Variants in LINGO1 observed in about 807,000 individuals in gnomAD.
The protein encoded by LINGO1 is leucine rich repeat and Ig domain containing 1, also known as leucine-rich repeat and immunoglobulin-like domain-containing nogo receptor-interacting protein 1.
Under a neutral mutation model 37.3 loss-of-function variants are expected in LINGO1, and 11 were observed. The observed-to-expected ratio is 0.29, with a 90% CI of 0.19 to 0.49. LINGO1 has a LOEUF of 0.49. LINGO1 is among the 20% of genes least tolerant of loss of function. The pLI is 0.99. For synonymous variants in LINGO1, 387 were observed against 403.0 expected, an observed-to-expected ratio of 0.96 and a Z score of 0.48; for missense variants, 585 against 878.2, an observed-to-expected ratio of 0.67 and a Z score of 4.22.
intron 1 of LINGO1, among the ~76,000 whole-genome samples, chr15:77,766,320 CACAA>C (rs775233269): frequency 2.7e-4 from 30 of 110,558 alleles, no homozygotes; most frequent in Admixed American, 2.7e-4. Context: ...AAAAAAAACA[CACAA>C]ACAGAGAGAG....
chr15:77,672,000 GCCT>G (rs10559337), intron 3 of LINGO1, among the ~76,000 whole-genome samples: 18,689 of 145,416 alleles, frequency 0.13, 1,280 homozygotes, highest in Middle Eastern at 0.19. Context: ...ATGAGCCTCT[GCCT>G]CCTCCTCCTC....
rs1206092724 is a variant in LINGO1, at chr15:77,613,424, C to T, written c.*620G>A. The T allele has an allele frequency of 1.3e-5, 2 of 154,136 alleles. No homozygotes were observed. The highest frequency in any genetic ancestry group is 2.9e-5 in the Non-Finnish European group (2 of 69,326). The allele number at this position is 154,136 out of a possible 1,614,324, so 9.5% of individuals were successfully genotyped here. On this transcript the variant is annotated 3_prime_UTR_variant, in exon 2 of 2. Transcript: ENST00000355300. ...CCTCCACCTGCGCCCTGCAAAAAGCCAGCCCGGAGCTGGGCCCAGGCCTGC... is the reference window on the plus strand; with the variant it reads ...CCTCCACCTGCGCCCTGCAAAAAGCTAGCCCGGAGCTGGGCCCAGGCCTGC...
intron 2 of LINGO1, among the ~76,000 whole-genome samples, chr15:77,677,960 T>C (rs879792090): frequency 6.6e-6 from 1 of 152,134 alleles, no homozygotes; most frequent in African/African-American, 2.4e-5. Flanking sequence ...AACCCAGCCC[T>C]GACCTGTGGG....
Position 77,733,757 on chromosome 15 carries a change from C to T in LINGO1, c.-195+1235G>A, listed in dbSNP as rs78679308. ...AATCACAATTAGCAACCCTCCTCCA[C>T]GCAGTCTGCCTGGATTAGGTCCACT... is the stretch of plus-strand genomic sequence containing the variant. On this transcript the variant is annotated intron_variant, in intron 2 of 3. Transcript: ENST00000561686. 8.8e-3 allele frequency among the ~76,000 whole-genome samples: 1,348 copies of T among 152,336 alleles called. 28 individuals carry two copies. The highest frequency in any genetic ancestry group is 0.03 in the African/African-American group (1,264 of 41,578).
intron 3 of LINGO1, chr15:77,666,849 A>T (rs1221667948): frequency 6.6e-6 from 1 of 152,286 alleles, no homozygotes; most frequent in Non-Finnish European, 1.5e-5. Context: ...GCAGCCCCAG[A>T]CTAGGCATGT....
chr15:77,739,970 C>A (rs1277868410), intron 1 of LINGO1, among the ~76,000 whole-genome samples: 1 of 152,266 alleles, frequency 6.6e-6, no homozygotes, highest in Non-Finnish European at 1.5e-5. Flanking sequence ...TATGGAGCAC[C>A]TATCCTGTGC....
At chr15:77,731,005 T>C (rs921301687) in intron 2 of LINGO1, among the ~76,000 whole-genome samples, 1 of 152,178 alleles carries the variant, frequency 6.6e-6, no homozygotes, top group Admixed American at 6.5e-5. Flanking sequence ...TGTGTGGCCT[T>C]GGGCAAGTCA....
At chr15:77,728,037 AGAG>A (rs1458969120) in intron 2 of LINGO1, among the ~76,000 whole-genome samples, 3 of 152,188 alleles carry the variant, frequency 2.0e-5, no homozygotes, top group African/African-American at 7.2e-5. Context: ...CCCTGGGAGA[AGAG>A]GAGGAGTCCC....
chr15:77,742,804 G>C lies in LINGO1; in HGVS notation c.-256-7751C>G, dbSNP rs76245819. ...TTCACCTTTGGCAGAGACTGTAGAA[G>C]AGAGCCTGCCAAAACAGCTGGAAGG... On this transcript the variant is annotated intron_variant, in intron 1 of 3. Coordinates refer to the LINGO1 transcript ENST00000561686. 3.6e-3 allele frequency among the ~76,000 whole-genome samples: 545 copies of C among 152,334 alleles called. 5 individuals are homozygous for C. The highest frequency in any genetic ancestry group is 0.012 in the African/African-American group (512 of 41,576).
chr15:77,613,423 C>T lies in LINGO1; in HGVS notation c.*621G>A. The T allele has an allele frequency of 6.5e-6, 1 of 154,342 alleles. No homozygotes were observed. The highest frequency in any genetic ancestry group is 1.4e-5 in the Non-Finnish European group (1 of 69,368). The allele number at this position is 154,342 out of a possible 1,614,324, so 9.6% of individuals were successfully genotyped here. A position where few individuals can be genotyped will look rare whatever the true frequency, so the allele number is the denominator to read the frequency against. On this transcript the variant is annotated 3_prime_UTR_variant, in exon 2 of 2. Transcript: ENST00000355300. ...CCCTCCACCTGCGCCCTGCAAAAAG[C>T]CAGCCCGGAGCTGGGCCCAGGCCTG...
intron 1 of LINGO1, among the ~76,000 whole-genome samples, chr15:77,616,702 G>A (rs536782680): frequency 6.6e-5 from 10 of 152,244 alleles, no homozygotes; most frequent in East Asian, 5.8e-4. Context: ...GGGTCCCATC[G>A]GTGACCCAGC....
intron 1 of LINGO1, among the ~76,000 whole-genome samples, chr15:77,812,653 C>A (rs12443040): frequency 0.16 from 23,710 of 147,672 alleles, 1,973 homozygotes; most frequent in African/African-American, 0.21. Context: ...TTGCAATCTC[C>A]CAGCCAGGCC....
rs573068574 is a variant in LINGO1 at position 77,744,360 on chromosome 15, C to G, written c.-256-9307G>C. On this transcript the variant is annotated intron_variant, in intron 1 of 3. Transcript: ENST00000561686. Reference sequence around the variant, plus strand: ...ACCAGTCTGGGCAACATAGTGAAACCCTGTCTCTACTAAAAATACAAAAAA... The same window carrying G: ...ACCAGTCTGGGCAACATAGTGAAACGCTGTCTCTACTAAAAATACAAAAAA... Among the ~76,000 whole-genome samples, 4 of 152,114 alleles carry G rather than the reference C, an allele frequency of 2.6e-5. No individual in the cohort carries two copies. In the South Asian group the frequency reaches 8.3e-4, roughly 32 times the overall value.
intron 1 of LINGO1, among the ~76,000 whole-genome samples, chr15:77,623,936 T>G (rs1280322171): frequency 2.0e-5 from 3 of 147,930 alleles, no homozygotes; most frequent in African/African-American, 7.5e-5. Flanking sequence ...GTGTGGACTG[T>G]GTATGTGTGG....
At chr15:77,804,715 C>G (rs751208371) in intron 1 of LINGO1, among the ~76,000 whole-genome samples, 1 of 152,176 alleles carries the variant, frequency 6.6e-6, no homozygotes, top group Non-Finnish European at 1.5e-5. Context: ...CCAGCAGTGG[C>G]CTGAGGCCCA....
At chr15:77,625,804 T>C (rs1316211129) in intron 1 of LINGO1, among the ~76,000 whole-genome samples, 1 of 152,220 alleles carries the variant, frequency 6.6e-6, no homozygotes, top group African/African-American at 2.4e-5. Context: ...CTGTGTCATC[T>C]TGGGCAAGTG....
At chr15:77,793,788 A>G (rs1366835255) in intron 2 of LINGO1, among the ~76,000 whole-genome samples, 1 of 152,264 alleles carries the variant, frequency 6.6e-6, no homozygotes, top group Non-Finnish European at 1.5e-5. Flanking sequence ...GTTAGAAAAC[A>G]GTAAGTACAG....
intron 3 of LINGO1, among the ~76,000 whole-genome samples, chr15:77,669,111 G>A (rs904928665): frequency 6.6e-6 from 1 of 152,274 alleles, no homozygotes; most frequent in African/African-American, 2.4e-5. Context: ...CTGGGAGGAT[G>A]TGTGCACAGC....
upstream of LINGO1, chr15:77,634,212 A>AC (rs1408225865): frequency 4.5e-6 from 2 of 448,016 alleles, no homozygotes; most frequent in African/African-American, 4.7e-5. Context: ...ACCTCTCCCC[A>AC]CCCCCAACAG....
Sources: gnomAD v4.1 joint callset for allele counts (sites outside exome capture counted in the v4.1 genomes callset) on GRCh38, gnomAD v4.1.1 for gene constraint, MANE v1.5 for transcripts, NCBI Gene and HGNC (gene_info 2026-07-23, HGNC 2026-07-21) for gene names.